DCP1A: variants seen among roughly 807,000 people sequenced by gnomAD.
The protein encoded by DCP1A is decapping mRNA 1A.
DCP1A carries 20 observed loss-of-function variants against 58.0 expected under a neutral mutation model. The observed-to-expected ratio is 0.34, with a 90% CI of 0.24 to 0.50. The LOEUF is 0.50. Among genes scored for constraint, DCP1A ranks in the 20% least tolerant of loss-of-function variants. DCP1A has a pLI of 0.98. For missense variants in DCP1A, 613 were observed against 712.2 expected (o/e 0.86, Z 1.59); for synonymous variants, 285 against 275.1 (o/e 1.04, Z -0.36).
Position 53,286,748 on chromosome 3 carries a change from C to G in DCP1A, c.*832G>C, listed in dbSNP as rs1430699101. ...TGTTAAGGAAAACAATCAACAATGA[C>G]AGAAAAGGAAAATAAGGCTGTGCTT... On this transcript the variant is annotated 3_prime_UTR_variant, in exon 10 of 10. Transcript: ENST00000610213. The G allele has an allele frequency of 1.3e-5, 2 of 152,202 alleles. No individual in the cohort carries two copies. Among genetic ancestry groups the G allele is most frequent in the Non-Finnish European group, 2.9e-5 (2 of 68,038 alleles). The allele number at this position is 152,202 out of a possible 1,614,324, so 9.4% of individuals were successfully genotyped here. A position where few individuals can be genotyped will look rare whatever the true frequency, so the allele number is the denominator to read the frequency against.
Position 53,319,423 on chromosome 3 carries a change from C to T in DCP1A, c.355G>A (p.Ala119Thr). Residue 119 changes from alanine to threonine, a missense_variant, in exon 4 of 10, where the codon GCA (alanine) becomes ACA (threonine). Ala to Thr is a moderately conservative substitution (Grantham distance 58). This residue lies in a region of DCP1A where 65 missense variants were observed against 118.5 expected (regional missense o/e 0.55). Transcript: ENST00000610213. ...FYDKNDCHRIAKLMADVVEEE... is the reference protein window; with the variant it reads ...FYDKNDCHRITKLMADVVEEE... ...TATACTTACTCAGCCATGAGTTTTG[C>T]TATGCGGTGACAGTCATTCTTGTCA... The T allele has an allele frequency of 6.4e-7, 1 of 1,559,332 alleles. No homozygotes were observed. The highest frequency in any genetic ancestry group is 2.3e-5 in the East Asian group (1 of 42,788).
At chr3:53,289,990 T>C (rs1431599435) in intron 8 of DCP1A, among the ~76,000 whole-genome samples, 3 of 152,098 alleles carry the variant, frequency 2.0e-5, no homozygotes, top group South Asian at 2.1e-4. Context: ...ACAAGACACA[T>C]AGAAAAGAGG....
At chr3:53,314,396 T>C (rs145657826) in intron 4 of DCP1A, among the ~76,000 whole-genome samples, 1 of 152,340 alleles carries the variant, frequency 6.6e-6, no homozygotes, top group African/African-American at 2.4e-5. Context: ...CTAAAACAAA[T>C]GTAGCATCAT....
At position 53,342,266 on chromosome 3, in the gene DCP1A, G is replaced by A; in HGVS notation, c.182C>T (p.Ala61Val). The change falls in exon 3 of 10, where the codon GCT (alanine) becomes GTT (valine). Residue 61 changes from alanine (A) to valine (V), a missense_variant. By Grantham distance (64) the Ala-to-Val change is moderately conservative. Around this residue, in one of 3 missense-constraint regions of DCP1A, gnomAD observed 65 missense variants for 118.5 expected, o/e 0.55. Transcript: ENST00000610213. ...EGTLFVYRRS[A>V]SPYHGFTIVN... ...AATGGTAAAACCATGGTAAGGGGAAGCTGACCTTAGATTTAATAGAAGAAA... is the reference window on the plus strand; with the variant it reads ...AATGGTAAAACCATGGTAAGGGGAAACTGACCTTAGATTTAATAGAAGAAA... 6.3e-7 allele frequency: 1 copy of A among 1,595,276 alleles called. No homozygotes were observed. Among genetic ancestry groups the A allele is most frequent in the Non-Finnish European group, 8.6e-7 (1 of 1,168,184 alleles).
chr3:53,290,537 T>A lies in DCP1A; in HGVS notation c.1449+254A>T, dbSNP rs539317427. The stretch of plus-strand genomic sequence containing the variant: ...CCTGGCCTAGGAAAGGCATCTAAGA[T>A]GTGCTGGGCTCCATAGCTAACTCTT... On this transcript the variant is annotated intron_variant, in intron 8 of 9. Coordinates refer to ENST00000610213, the MANE Select transcript of DCP1A (RefSeq NM_018403.7). The A allele has an allele frequency of 2.8e-4, 168 of 602,226 alleles. 1 individual carries two copies. The African/African-American group carries it at 3.0e-3, about 11-fold the overall frequency. 37.3% of individuals were successfully genotyped at this position (602,226 alleles called of 1,614,324 possible). A position where few individuals can be genotyped will look rare whatever the true frequency, so the allele number is the denominator to read the frequency against.
chr3:53,299,045 A>G lies in DCP1A; in HGVS notation c.624+5132T>C, dbSNP rs191866583. On this transcript the variant is annotated intron_variant, in intron 6 of 9. Coordinates refer to ENST00000610213, the MANE Select transcript of DCP1A (RefSeq NM_018403.7). ...TCTTGGTTTGTGAAAGTATAAATAC[A>G]CTCTATGATGTTCGGAGAATGAAAT... 1.8e-4 allele frequency among the ~76,000 whole-genome samples: 27 copies of G among 152,272 alleles called. No individual in the cohort carries two copies. The East Asian group carries it at 2.7e-3, about 15-fold the overall frequency.
At chr3:53,342,572 C>A (rs1243035651) in intron 2 of DCP1A, among the ~76,000 whole-genome samples, 1 of 152,194 alleles carries the variant, frequency 6.6e-6, no homozygotes, top group Non-Finnish European at 1.5e-5. Flanking sequence ...CTCCTACTCT[C>A]CAGCCACACC....
chr3:53,338,103 C>T (rs782257402), intron 3 of DCP1A: 2 of 426,832 alleles, frequency 4.7e-6, no homozygotes, highest in South Asian at 1.6e-5. Flanking sequence ...TTGCGAATCT[C>T]GAGCAGATTC....
At chr3:53,307,388 G>C (rs538212038) in intron 5 of DCP1A, among the ~76,000 whole-genome samples, 2 of 152,056 alleles carry the variant, frequency 1.3e-5, no homozygotes, top group Admixed American at 6.6e-5. Flanking sequence ...AAACCTTATC[G>C]GCAATAACTG....
chr3:53,339,100 TACTA>T (rs1227243143), intron 3 of DCP1A, among the ~76,000 whole-genome samples: 1 of 152,142 alleles, frequency 6.6e-6, no homozygotes, highest in Non-Finnish European at 1.5e-5. Context: ...CATAATCAGA[TACTA>T]ACTTTTTATT....
chr3:53,292,190 A>G lies in DCP1A; in HGVS notation c.1262T>C (p.Phe421Ser), dbSNP rs74920529. The G allele has an allele frequency of 6.2e-7, 1 of 1,613,922 alleles. No individual in the cohort carries two copies. Among genetic ancestry groups the G allele is most frequent in the Non-Finnish European group, 8.5e-7 (1 of 1,179,884 alleles). The change falls in exon 7 of 10, where the codon TTT becomes TCT. Residue 421 changes from phenylalanine to serine, a missense_variant. Transcript: ENST00000610213. ...PLGKGAMVAS[F>S]SPAAGQLATP... is the part of the protein sequence containing the mutation. ...GGCTAGCTGACCAGCTGCCGGAGAA[A>G]AGCTGGCTACCATTGCACCTTTCCC...
chr3:53,328,043 C>T (rs1553690837), intron 3 of DCP1A, among the ~76,000 whole-genome samples: 1 of 152,026 alleles, frequency 6.6e-6, no homozygotes, highest in Non-Finnish European at 1.5e-5. Flanking sequence ...TCACTTGAAC[C>T]TGGGTGGTGG....
chr3:53,335,782 G>A (rs1199044362), intron 3 of DCP1A, among the ~76,000 whole-genome samples: 1 of 151,902 alleles, frequency 6.6e-6, no homozygotes, highest in Admixed American at 6.6e-5. Flanking sequence ...GTTCTACTCA[G>A]CAATTTTTCA....
chr3:53,337,029 C>G (rs954323274), intron 3 of DCP1A, among the ~76,000 whole-genome samples: 1 of 151,926 alleles, frequency 6.6e-6, no homozygotes, highest in Non-Finnish European at 1.5e-5. Flanking sequence ...ACCACCATGT[C>G]CGGCTAATTT....
At chr3:53,322,371 G>C (rs1707992825) in intron 3 of DCP1A, among the ~76,000 whole-genome samples, 1 of 151,498 alleles carries the variant, frequency 6.6e-6, no homozygotes, top group African/African-American at 2.4e-5. Flanking sequence ...AGACTCTCTT[G>C]AACTGGGAGG....
chr3:53,309,867 A>G (rs1386233450), intron 5 of DCP1A, among the ~76,000 whole-genome samples: 1 of 152,232 alleles, frequency 6.6e-6, no homozygotes, highest in Non-Finnish European at 1.5e-5. Flanking sequence ...TCAGGATTAA[A>G]TCCCAACACT....
In DCP1A at chr3:53,287,569, T is replaced by C. The variant is rs782806269; in HGVS notation, c.*11A>G. 5 of 1,590,114 alleles carry C rather than the reference T, an allele frequency of 3.1e-6. No homozygotes were observed. The East Asian group carries it at 8.9e-5, about 28-fold the overall frequency. Reference sequence around the variant, plus strand: ...GGCTGGGGCTCTGCCTTTAGACTTATTCTGCTCCAGTCATAGGTTGTGGTT... The same window carrying C: ...GGCTGGGGCTCTGCCTTTAGACTTACTCTGCTCCAGTCATAGGTTGTGGTT... On this transcript the variant is annotated 3_prime_UTR_variant, in exon 10 of 10. Coordinates refer to ENST00000610213, the MANE Select transcript of DCP1A (RefSeq NM_018403.7).
In DCP1A at chr3:53,287,342, C is replaced by CTTTTTTTTTTT. The variant is rs35716152; in HGVS notation, c.*227_*237dup. 6.0e-6 allele frequency: 1 copy of CTTTTTTTTTTT among 166,410 alleles called. No homozygotes were observed. Among genetic ancestry groups the CTTTTTTTTTTT allele is most frequent in the South Asian group, 8.8e-5 (1 of 11,316 alleles). The allele number at this position is 166,410 out of a possible 1,614,324, so 10.3% of individuals were successfully genotyped here. A position where few individuals can be genotyped will look rare whatever the true frequency, so the allele number is the denominator to read the frequency against. ...CATAACTTAACACAATGATCGCTCT[C>CTTTTTTTTTTT]TTTTTTTTTTTTTTTTTTTTTTTTT... On this transcript the variant is annotated 3_prime_UTR_variant, in exon 10 of 10. Transcript: ENST00000610213.
chr3:53,288,539 C>T (rs1284730091), intron 8 of DCP1A, among the ~76,000 whole-genome samples: 2 of 152,134 alleles, frequency 1.3e-5, no homozygotes, highest in Admixed American at 6.5e-5. Flanking sequence ...GTCCAACCAC[C>T]ACAGTAGGTA....
Sources: gnomAD v4.1 joint callset for allele counts (sites outside exome capture counted in the v4.1 genomes callset) on GRCh38, gnomAD v4.1.1 for gene constraint, gnomAD v4.1.1 regional missense constraint, MANE v1.5 for transcripts, NCBI Gene and HGNC (gene_info 2026-07-23, HGNC 2026-07-21) for gene names.